The following IFT80 variants were observed in gnomAD, a reference collection of about 807,000 sequenced individuals.
IFT80 encodes the protein intraflagellar transport protein 80 homolog.
In IFT80, 79 loss-of-function variants were observed where a neutral mutation model predicts 107.9. That is an observed-to-expected ratio of 0.73 (90% CI 0.61 to 0.88). The LOEUF is 0.88. Among genes scored for constraint, IFT80 ranks in the 40% least tolerant of loss-of-function variants. IFT80 has a pLI of 0.00. For synonymous variants in IFT80, 299 were observed against 300.9 expected, an observed-to-expected ratio of 0.99 and a Z score of 0.07; for missense variants, 797 against 914.2, an observed-to-expected ratio of 0.87 and a Z score of 1.65.
intron 4 of IFT80, among the ~76,000 whole-genome samples, chr3:160,376,353 T>C (rs1712022309): frequency 6.6e-6 from 1 of 151,496 alleles, no homozygotes. Flanking sequence ...TAGTTGCAGG[T>C]AGAGAGAGCT....
At chr3:160,299,338 C>T (rs1164168832) in intron 12 of IFT80, 9 of 589,652 alleles carry the variant, frequency 1.5e-5, no homozygotes, top group South Asian at 3.8e-5. Context: ...ATAAGAGGTG[C>T]TATTATCTGA....
intron 13 of IFT80, among the ~76,000 whole-genome samples, chr3:160,283,395 C>T (rs1249701880): frequency 1.3e-5 from 2 of 152,148 alleles, no homozygotes; most frequent in Non-Finnish European, 2.9e-5. Context: ...ATGACTACAA[C>T]ATCAAGTCAT....
chr3:160,345,890 G>T (rs1372377133), intron 8 of IFT80, among the ~76,000 whole-genome samples: 1 of 152,026 alleles, frequency 6.6e-6, no homozygotes. Context: ...ATCACTAAAG[G>T]AGTATAATTG....
intron 3 of IFT80, 44 bp from the exon 4 acceptor site, chr3:160,377,584 C>T (rs1559969272): frequency 1.7e-6 from 2 of 1,160,928 alleles, no homozygotes; most frequent in Non-Finnish European, 2.6e-6. Flanking sequence ...TTTATTCAAT[C>T]AACAAAGCAC....
intron 8 of IFT80, among the ~76,000 whole-genome samples, chr3:160,345,443 T>C (rs949375373): frequency 6.6e-6 from 1 of 151,904 alleles, no homozygotes; most frequent in Non-Finnish European, 1.5e-5. Context: ...TCCCAGCACT[T>C]TGGGAGGCCA....
intron 1 of IFT80, among the ~76,000 whole-genome samples, chr3:160,397,935 G>A (rs558792501): frequency 6.6e-6 from 1 of 151,878 alleles, no homozygotes; most frequent in African/African-American, 2.4e-5. Context: ...TGGTCAGGCT[G>A]GTCTCGAACT....
chr3:160,338,462 G>C (rs1364172915), intron 8 of IFT80, among the ~76,000 whole-genome samples: 1 of 151,986 alleles, frequency 6.6e-6, no homozygotes, highest in East Asian at 1.9e-4. Context: ...GTGATACCCT[G>C]TCACTATAAA....
chr3:160,390,919 T>A (rs1479084084), intron 1 of IFT80, among the ~76,000 whole-genome samples: 2 of 152,052 alleles, frequency 1.3e-5, no homozygotes, highest in African/African-American at 2.4e-5. Context: ...ACAGAAGAGG[T>A]GAAAGCACCT....
intron 11 of IFT80, among the ~76,000 whole-genome samples, chr3:160,301,957 G>A (rs1400356148): frequency 2.0e-5 from 3 of 151,810 alleles, no homozygotes; most frequent in African/African-American, 7.2e-5. Flanking sequence ...CCATATGTCT[G>A]CCCTACTTAT....
rs1712499426 is a variant in IFT80 at position 160,258,097 on chromosome 3, C to T, written c.*428G>A. ...ATTTTATACATTTGTACAAATCCAT[C>T]CTCATGTATTTTTGTTCTATAAATA... On this transcript the variant is annotated 3_prime_UTR_variant, in exon 20 of 20. Transcript: ENST00000326448. The T allele has an allele frequency of 4.8e-6, 1 of 208,586 alleles. No homozygotes were observed. Among genetic ancestry groups the T allele is most frequent in the Non-Finnish European group, 9.7e-6 (1 of 103,030 alleles). 12.9% of individuals were successfully genotyped at this position (208,586 alleles called of 1,614,324 possible).
intron 6 of IFT80, among the ~76,000 whole-genome samples, chr3:160,358,315 C>G (rs1057485196): frequency 1.3e-5 from 2 of 150,784 alleles, no homozygotes; most frequent in African/African-American, 4.9e-5. Context: ...GTTCAGCCCC[C>G]CTCAACCATT....
chr3:160,396,274 C>T (rs953882128), intron 1 of IFT80, among the ~76,000 whole-genome samples: 1 of 152,152 alleles, frequency 6.6e-6, no homozygotes, highest in East Asian at 1.9e-4. Context: ...CTTCTATCTG[C>T]ACTGTGTCTA....
chr3:160,329,240 G>A (rs1718906359), intron 8 of IFT80, among the ~76,000 whole-genome samples: 2 of 152,112 alleles, frequency 1.3e-5, no homozygotes, highest in African/African-American at 2.4e-5. Flanking sequence ...TATTTATCAT[G>A]TGTGCTTTTA....
chr3:160,349,070 T>C (rs75696275), intron 8 of IFT80, among the ~76,000 whole-genome samples: 1,925 of 152,088 alleles, frequency 0.013, 34 homozygotes, highest in African/African-American at 0.045. Flanking sequence ...ACATTTTAAA[T>C]GGGTAAAATG....
rs545949024 is a variant in IFT80 at position 160,311,394 on chromosome 3, T to C, written c.958-3613A>G. On this transcript the variant is annotated intron_variant, in intron 9 of 19. Transcript: ENST00000326448. ...AAAATAATTGGAGAAATGTGATCTG[T>C]TACTGTAGAAAGACGTTAGGAAAAG... 1.2e-4 allele frequency among the ~76,000 whole-genome samples: 18 copies of C among 152,314 alleles called. No individual in the cohort carries two copies. In the South Asian group the frequency reaches 3.5e-3, roughly 30 times the overall value.
intron 5 of IFT80, among the ~76,000 whole-genome samples, chr3:160,374,011 A>T (rs1374835633): frequency 1.3e-5 from 2 of 152,228 alleles, no homozygotes; most frequent in South Asian, 2.1e-4. Context: ...ATATTAAACA[A>T]CTTATTCCAA....
At chr3:160,259,358 A>C (rs1374562410) in intron 19 of IFT80, among the ~76,000 whole-genome samples, 1 of 151,838 alleles carries the variant, frequency 6.6e-6, no homozygotes, top group Non-Finnish European at 1.5e-5. Flanking sequence ...AGTGGACCGG[A>C]CTCTGGTTAC....
rs16831172 is a variant in IFT80, at chr3:160,302,925, C to T, written c.1151+990G>A. ...ATACTCATAAGAATCTGTTGGTGCA[C>T]AGAATCATTATACTACTCAGCTACA... is the stretch of plus-strand genomic sequence containing the variant. On this transcript the variant is annotated intron_variant, in intron 11 of 19. Transcript: ENST00000326448. Among the ~76,000 whole-genome samples the T allele has an allele frequency of 5.5e-3, 830 of 152,164 alleles. 7 individuals carry two copies. Among genetic ancestry groups the T allele is most frequent in the African/African-American group, 0.019 (802 of 41,536 alleles).
chr3:160,362,889 T>G (rs1018553937), intron 6 of IFT80, among the ~76,000 whole-genome samples: 1 of 152,158 alleles, frequency 6.6e-6, no homozygotes, highest in African/African-American at 2.4e-5. Context: ...GAGCTACTTA[T>G]GACAAACCCA....
Sources: gnomAD v4.1 joint callset for allele counts (sites outside exome capture counted in the v4.1 genomes callset) on GRCh38, gnomAD v4.1.1 for gene constraint, MANE v1.5 for transcripts, NCBI Gene and HGNC (gene_info 2026-07-23, HGNC 2026-07-21) for gene names.